The following CNTNAP3B variants were observed in gnomAD, a reference collection of about 807,000 sequenced individuals.
The protein encoded by CNTNAP3B is contactin-associated protein-like 3B.
A neutral mutation model predicts 108.9 loss-of-function variants in CNTNAP3B; 25 were observed. The ratio of observed to expected loss-of-function variants is 0.23; its 90% confidence interval spans 0.17 to 0.32. CNTNAP3B has a LOEUF of 0.32. Among genes scored for constraint, CNTNAP3B ranks in the 10% least tolerant of loss-of-function variants. CNTNAP3B has a pLI of 1.00. For missense variants in CNTNAP3B, 252 were observed against 1,210.4 expected, an observed-to-expected ratio of 0.21 and a Z score of 11.75; for synonymous variants, 103 against 473.4, an observed-to-expected ratio of 0.22 and a Z score of 10.16.
At chr9:42,125,620 T>C (rs1828550725) in intron 1 of CNTNAP3B, among the ~76,000 whole-genome samples, 1 of 138,532 alleles carries the variant, frequency 7.2e-6, no homozygotes, top group African/African-American at 2.8e-5. Context: ...ACTGTTTGTA[T>C]AGAGTTTGGT....
At position 42,116,645 on chromosome 9, in the gene CNTNAP3B, A is replaced by C. The variant is rs1318801496; in HGVS notation, c.86-11906T>G. Among the ~76,000 whole-genome samples the C allele has an allele frequency of 1.4e-5, 2 of 139,764 alleles. 1 individual carries two copies. The highest frequency in any genetic ancestry group is 3.1e-5 in the Non-Finnish European group (2 of 65,142). 91.7% of individuals were successfully genotyped at this position (139,764 alleles called of 152,430 possible). On this transcript the variant is annotated intron_variant, in intron 1 of 23. Coordinates refer to ENST00000377561, the MANE Select transcript of CNTNAP3B (RefSeq NM_001201380.3). ...GAGCAAAATAACCAGTTAACATCAT[A>C]ATGACAGGATCAAATTCACACATAA...
intron 13 of CNTNAP3B, among the ~76,000 whole-genome samples, chr9:41,939,579 C>T (rs1482485716): frequency 6.6e-6 from 1 of 152,284 alleles, no homozygotes; most frequent in Admixed American, 6.5e-5. Context: ...TAAAAATGTG[C>T]TAAAAGCTTG....
chr9:42,056,108 G>T (rs1827061611), intron 3 of CNTNAP3B, among the ~76,000 whole-genome samples: 1 of 127,804 alleles, frequency 7.8e-6, no homozygotes, highest in Non-Finnish European at 1.6e-5. Context: ...ATTATGCTGA[G>T]CAATAATATC....
intron 14 of CNTNAP3B, among the ~76,000 whole-genome samples, chr9:41,934,859 C>T (rs1259683686): frequency 0.017 from 2,503 of 151,670 alleles, 12 homozygotes; most frequent in African/African-American, 0.058. Flanking sequence ...CACTAGTATG[C>T]ATTTAAACCA....
intron 2 of CNTNAP3B, among the ~76,000 whole-genome samples, chr9:42,079,582 C>A (rs1408963915): frequency 7.6e-6 from 1 of 131,014 alleles, no homozygotes. Flanking sequence ...AGTGCAGTGG[C>A]GAGATCTCTG....
chr9:42,098,606 CA>C (rs769753898), intron 2 of CNTNAP3B, among the ~76,000 whole-genome samples: 1 of 72,912 alleles, frequency 1.4e-5, no homozygotes, highest in South Asian at 4.3e-4. Context: ...AAACCAACAG[CA>C]AAAAAAAACA....
intron 4 of CNTNAP3B, among the ~76,000 whole-genome samples, chr9:42,001,566 C>A (rs1184208445): frequency 4.4e-5 from 6 of 136,070 alleles, no homozygotes; most frequent in African/African-American, 1.8e-4. Flanking sequence ...GTATGAAATT[C>A]AATTATATAA....
chr9:42,032,689 C>T (rs1400115752), intron 3 of CNTNAP3B, among the ~76,000 whole-genome samples: 4 of 104,874 alleles, frequency 3.8e-5, no homozygotes, highest in Non-Finnish European at 7.8e-5. Context: ...AGGTGTCAGG[C>T]ACCCTGCCTT....
At chr9:41,999,430 C>T (rs573774576) in intron 4 of CNTNAP3B, among the ~76,000 whole-genome samples, 4,299 of 23,820 alleles carry the variant, frequency 0.18, 294 homozygotes, top group Middle Eastern at 0.25. Flanking sequence ...AATTTTGCCT[C>T]CAGACAACCT....
At chr9:42,099,403 T>C (rs1313545114) in intron 2 of CNTNAP3B, among the ~76,000 whole-genome samples, 3 of 134,680 alleles carry the variant, frequency 2.2e-5, no homozygotes, top group Non-Finnish European at 3.1e-5. Flanking sequence ...TCCACCCATA[T>C]AGTTAATCTC....
intron 3 of CNTNAP3B, among the ~76,000 whole-genome samples, chr9:42,049,538 C>A (rs1051993907): frequency 7.4e-6 from 1 of 134,668 alleles, no homozygotes; most frequent in South Asian, 2.5e-4. Flanking sequence ...GGAAAACCCC[C>A]CAGCTGTGCG....
intron 13 of CNTNAP3B, among the ~76,000 whole-genome samples, chr9:41,950,437 G>A (rs529069794): frequency 3.0e-5 from 4 of 133,916 alleles, no homozygotes; most frequent in Admixed American, 7.8e-5. Flanking sequence ...TGTACACAAT[G>A]TTCATAAAAG....
At chr9:41,973,259 A>G (rs1354634657) in intron 9 of CNTNAP3B, among the ~76,000 whole-genome samples, 3 of 142,880 alleles carry the variant, frequency 2.1e-5, no homozygotes, top group Non-Finnish European at 4.6e-5. Flanking sequence ...GTTATTCTTA[A>G]AAGAAAATGA....
intron 15 of CNTNAP3B, among the ~76,000 whole-genome samples, chr9:41,928,405 T>C (rs1823878629): frequency 6.6e-6 from 1 of 152,010 alleles, no homozygotes; most frequent in Non-Finnish European, 1.5e-5. Context: ...CCGGGACTCC[T>C]TCATCAAGCA....
At chr9:42,089,733 G>A (rs1351740923) in intron 2 of CNTNAP3B, among the ~76,000 whole-genome samples, 1 of 147,476 alleles carries the variant, frequency 6.8e-6, no homozygotes, top group Non-Finnish European at 1.5e-5. Flanking sequence ...GAATAGTGGA[G>A]AAATATGAGG....
chr9:42,089,361 T>A (rs575609403), intron 2 of CNTNAP3B, among the ~76,000 whole-genome samples: 1 of 120,914 alleles, frequency 8.3e-6, no homozygotes, highest in African/African-American at 3.3e-5. Flanking sequence ...ATCCTCTAGA[T>A]TCCTCATACA....
intron 1 of CNTNAP3B, among the ~76,000 whole-genome samples, chr9:42,117,547 G>C (rs1400372158): frequency 7.1e-6 from 1 of 140,866 alleles, no homozygotes; most frequent in African/African-American, 2.8e-5. Flanking sequence ...GAAATTTATA[G>C]CACTAAATGC....
At position 42,098,505 on chromosome 9, in the gene CNTNAP3B, C is replaced by A. The variant is rs1222345865; in HGVS notation, c.196+6124G>T. Among the ~76,000 whole-genome samples the A allele has an allele frequency of 3.9e-5, 4 of 101,584 alleles. 1 individual carries two copies. Among genetic ancestry groups the A allele is most frequent in the Non-Finnish European group, 8.0e-5 (4 of 50,154 alleles). The allele number at this position is 101,584 out of a possible 152,430, so 66.6% of individuals were successfully genotyped here. ...GGCTGAGGCAGGAGAATGGCATGAACCTGGGAGGTGGAGCTTGCAGTGAGC... is the reference window on the plus strand; with the variant it reads ...GGCTGAGGCAGGAGAATGGCATGAAACTGGGAGGTGGAGCTTGCAGTGAGC... On this transcript the variant is annotated intron_variant, in intron 2 of 23. Transcript: ENST00000377561.
intron 15 of CNTNAP3B, among the ~76,000 whole-genome samples, chr9:41,926,085 C>G (rs1388964693): frequency 1.3e-5 from 2 of 152,286 alleles, no homozygotes; most frequent in African/African-American, 4.8e-5. Context: ...CTACAGTTAT[C>G]TATTATGTAT....
Sources: gnomAD v4.1 joint callset for allele counts (sites outside exome capture counted in the v4.1 genomes callset) on GRCh38, gnomAD v4.1.1 for gene constraint, MANE v1.5 for transcripts, NCBI Gene and HGNC (gene_info 2026-07-23, HGNC 2026-07-21) for gene names.